The following GRID2IP variants were observed in gnomAD, a reference collection of about 807,000 sequenced individuals.
GRID2IP encodes the protein Grid2 interacting protein.
GRID2IP carries 78 observed loss-of-function variants against 114.3 expected under a neutral mutation model. The observed-to-expected ratio is 0.68, with a 90% CI of 0.57 to 0.82. GRID2IP has a LOEUF of 0.82. GRID2IP is among the 40% of genes least tolerant of loss of function. GRID2IP has a pLI of 0.00. For synonymous variants in GRID2IP, 809 were observed against 724.0 expected, an observed-to-expected ratio of 1.12 and a Z score of -1.89; for missense variants, 1,727 against 1,678.5, an observed-to-expected ratio of 1.03 and a Z score of -0.51.
Position 6,509,841 on chromosome 7 carries a change from T to G in GRID2IP, c.1771+442A>C, listed in dbSNP as rs1469384532. Among the ~76,000 whole-genome samples the G allele has an allele frequency of 6.6e-6, 1 of 152,204 alleles. No homozygotes were observed. Among genetic ancestry groups the G allele is most frequent in the Non-Finnish European group, 1.5e-5 (1 of 68,026 alleles). Reference sequence around the variant, plus strand: ...AGGCATCTGCCTTCTTTCTTTTTCTTTTTTAAGACAGGGTCTTACTCTGTT... The same window carrying G: ...AGGCATCTGCCTTCTTTCTTTTTCTGTTTTAAGACAGGGTCTTACTCTGTT... On this transcript the variant is annotated intron_variant, in intron 11 of 21. Coordinates refer to ENST00000457091, the MANE Select transcript of GRID2IP (RefSeq NM_001145118.2). The surrounding 1 kb of genome is among the most constrained non-coding windows in gnomAD (Gnocchi z 4.9).
intron 2 of GRID2IP, among the ~76,000 whole-genome samples, chr7:6,537,749 C>A (rs935131697): frequency 1.1e-4 from 17 of 151,922 alleles, no homozygotes; most frequent in African/African-American, 3.9e-4. Context: ...ACTTGGGAGG[C>A]TGAGGCAGGA....
At chr7:6,537,899 A>G (rs935144285) in intron 2 of GRID2IP, among the ~76,000 whole-genome samples, 12 of 151,838 alleles carry the variant, frequency 7.9e-5, no homozygotes, top group African/African-American at 2.9e-4. Context: ...TGCACTGCTG[A>G]CCCTGCTCGT....
At chr7:6,510,433 C>A in intron 10 of GRID2IP, 33 bp from the exon 11 acceptor site, 6 of 1,457,624 alleles carry the variant, frequency 4.1e-6, no homozygotes, top group Non-Finnish European at 5.5e-6. Flanking sequence ...CCAGCCCATT[C>A]TGCTTCCCCT....
intron 18 of GRID2IP, 79 bp from the exon 19 acceptor site, chr7:6,502,197 A>C: frequency 7.5e-7 from 1 of 1,330,996 alleles, no homozygotes; most frequent in Non-Finnish European, 1.0e-6. Flanking sequence ...CTCCTGGACT[A>C]CTGTGGCATC....
chr7:6,544,288 G>GT (rs34564068), intron 1 of GRID2IP, among the ~76,000 whole-genome samples: 50,919 of 150,608 alleles, frequency 0.34, 10,555 homozygotes, highest in Non-Finnish European at 0.48. Flanking sequence ...TTTTCTTTCT[G>GT]TTTTTTTTGA....
intron 11 of GRID2IP, 40 bp downstream of exon 11, chr7:6,510,243 G>C: frequency 7.3e-7 from 1 of 1,373,008 alleles, no homozygotes; most frequent in African/African-American, 1.5e-5. Context: ...GGGGTGGAGG[G>C]AAACACCCAG....
At chr7:6,515,698 G>A (rs186023938) in intron 7 of GRID2IP, among the ~76,000 whole-genome samples, 3 of 145,674 alleles carry the variant, frequency 2.1e-5, no homozygotes, top group Non-Finnish European at 4.5e-5. Flanking sequence ...GAATCGCCTC[G>A]CCTGAGCTCG....
rs1779726940 is a variant in GRID2IP at position 6,536,571 on chromosome 7, AG to A, written c.584+3146del. The stretch of plus-strand genomic sequence containing the variant: ...GCAGCGCTGTGGGAGAGGAGAACCG[AG>A]AGGGCCTCCAGCCGAGCCCGGCTGC... On this transcript the variant is annotated intron_variant, in intron 2 of 21. Transcript: ENST00000457091. This position sits in a 1 kb window ranked among gnomAD's most constrained non-coding sequence, Gnocchi z 5.3. Among the ~76,000 whole-genome samples the A allele has an allele frequency of 6.6e-6, 1 of 151,554 alleles. No individual in the cohort carries two copies. Among genetic ancestry groups the A allele is most frequent in the African/African-American group, 2.4e-5 (1 of 41,226 alleles).
Position 6,514,493 on chromosome 7 carries a change from C to T in GRID2IP, c.1305G>A (p.Val435=). ...GGACCTGCTTGGCAGGGGTGTCCAG[C>T]ACAGGGTAGACGTCAACGATGAGGG... is the stretch of plus-strand genomic sequence containing the variant. The part of the protein sequence containing the change: ...IDTLIVDVYP[V]LDTPAKQVLW... Residue 435 remains valine, a synonymous_variant, in exon 8 of 22, where the codon GTG becomes GTA. Transcript: ENST00000457091. 2.6e-6 allele frequency: 4 copies of T among 1,546,806 alleles called. No homozygotes were observed. Among genetic ancestry groups the T allele is most frequent in the Non-Finnish European group, 3.5e-6 (4 of 1,144,814 alleles).
At chr7:6,538,364 TCAAAACAAAA>T (rs57880924) in intron 2 of GRID2IP, among the ~76,000 whole-genome samples, 54,994 of 143,864 alleles carry the variant, frequency 0.38, 10,424 homozygotes, top group Admixed American at 0.45. Context: ...AGACCCTGTC[TCAAAACAAAA>T]CAAAACAAAA....
chr7:6,541,511 A>G (rs552425411), intron 1 of GRID2IP, among the ~76,000 whole-genome samples: 2 of 152,320 alleles, frequency 1.3e-5, no homozygotes, highest in East Asian at 3.9e-4. Flanking sequence ...GTCTTTGTCC[A>G]CAAACCAGCT....
intron 20 of GRID2IP, 25 bp from the exon 21 acceptor site, chr7:6,498,253 A>AGCCAGC: frequency 6.6e-7 from 1 of 1,516,734 alleles, no homozygotes; most frequent in Non-Finnish European, 8.8e-7. Context: ...TTAAGGAAAC[A>AGCCAGC]GCCAGCCCGC....
intron 4 of GRID2IP, among the ~76,000 whole-genome samples, chr7:6,524,340 A>C (rs992646779): frequency 3.3e-5 from 5 of 152,242 alleles, no homozygotes; most frequent in Non-Finnish European, 7.3e-5. Context: ...ATGTGTAACC[A>C]GGAGCATTAC....
At chr7:6,539,541 G>T (rs1013843589) in intron 2 of GRID2IP, among the ~76,000 whole-genome samples, 177 bp downstream of exon 2, 1 of 152,136 alleles carries the variant, frequency 6.6e-6, no homozygotes, top group African/African-American at 2.4e-5. Flanking sequence ...GCCTTCTCAG[G>T]GTCATTGGCC....
intron 1 of GRID2IP, 50 bp from the exon 2 acceptor site, chr7:6,539,922 C>CTTT: frequency 1.3e-6 from 2 of 1,496,060 alleles, no homozygotes; most frequent in Non-Finnish European, 1.8e-6. Context: ...GAGTGGAACC[C>CTTT]TGGAGAACTG....
intron 1 of GRID2IP, among the ~76,000 whole-genome samples, chr7:6,547,048 A>T (rs898069932): frequency 6.6e-6 from 1 of 152,222 alleles, no homozygotes; most frequent in African/African-American, 2.4e-5. Context: ...CATTGAGGAC[A>T]GGTGCTGTTC....
In GRID2IP at chr7:6,503,116, G is replaced by A; in HGVS notation, c.2955C>T (p.Phe985=). The change falls in exon 17 of 22, where the codon TTC becomes TTT. Residue 985 remains phenylalanine (F), a synonymous_variant. Transcript: ENST00000457091. ...EYKTRLRSLH[F]QATLQEKTEE... ...CTGTCTTCTCCTGGAGGGTGGCCTGGAAGTGGAGGCTGCGCAGGCGTGTCT... is the reference window on the plus strand; with the variant it reads ...CTGTCTTCTCCTGGAGGGTGGCCTGAAAGTGGAGGCTGCGCAGGCGTGTCT... The A allele has an allele frequency of 1.9e-6, 3 of 1,550,138 alleles. No homozygotes were observed. Among genetic ancestry groups the A allele is most frequent in the Non-Finnish European group, 2.6e-6 (3 of 1,146,276 alleles).
In GRID2IP at chr7:6,520,530, T is replaced by C. The variant is rs902353818; in HGVS notation, c.1268+48A>G. 8 of 1,522,536 alleles carry C rather than the reference T, an allele frequency of 5.3e-6. No homozygotes were observed. In the African/African-American group the frequency reaches 9.7e-5, roughly 18 times the overall value. 94.3% of individuals were successfully genotyped at this position (1,522,536 alleles called of 1,614,324 possible). A position where few individuals can be genotyped will look rare whatever the true frequency, so the allele number is the denominator to read the frequency against. On this transcript the variant is annotated intron_variant, in intron 7 of 21. Transcript: ENST00000457091. This position sits in a 1 kb window ranked among gnomAD's most constrained non-coding sequence, Gnocchi z 4.6. ...ACTGGGATGTGAGTCTAGGCAGGAC[T>C]TAGGGCCCACCCAGGGCAGGGCCCC...
Position 6,520,536 on chromosome 7 carries a change from C to T in GRID2IP, c.1268+42G>A. 1 of 1,531,940 alleles carries T rather than the reference C, an allele frequency of 6.5e-7. No individual in the cohort carries two copies. Among genetic ancestry groups the T allele is most frequent in the Non-Finnish European group, 8.8e-7 (1 of 1,133,986 alleles). The allele number at this position is 1,531,940 out of a possible 1,614,324, so 94.9% of individuals were successfully genotyped here. On this transcript the variant is annotated intron_variant, in intron 7 of 21. Transcript: ENST00000457091. This position sits in a 1 kb window ranked among gnomAD's most constrained non-coding sequence, Gnocchi z 4.6. ...ATGTGAGTCTAGGCAGGACTTAGGG[C>T]CCACCCAGGGCAGGGCCCCACCGCG...
Sources: allele counts gnomAD v4.1 joint callset (sites outside exome capture counted in the v4.1 genomes callset), GRCh38; gene constraint gnomAD v4.1.1; non-coding constraint Gnocchi (gnomAD v3.1); transcripts MANE v1.5; gene names NCBI Gene and HGNC (gene_info 2026-07-23, HGNC 2026-07-21).